The following MACF1 variants were observed in gnomAD, a reference collection of about 807,000 sequenced individuals.
MACF1 encodes microtubule-actin cross-linking factor 1.
In MACF1, 193 loss-of-function variants were observed where a neutral mutation model predicts 854.8. The ratio of observed to expected loss-of-function variants is 0.23; its 90% CI spans 0.20 to 0.25. The LOEUF (loss-of-function observed/expected upper bound fraction) is 0.25, where lower values mean the gene tolerates loss of function less well. MACF1 is among the 10% of genes least tolerant of loss of function. The pLI is 1.00. For missense variants in MACF1, 7,722 were observed against 8,929.1 expected, an observed-to-expected ratio of 0.86 and a Z score of 5.45; for synonymous variants, 3,185 against 3,226.7, an observed-to-expected ratio of 0.99 and a Z score of 0.44.
At chr1:39,300,395 A>G (rs759989711) in intron 22 of MACF1, 33 bp downstream of exon 22, 22 of 1,587,232 alleles carry the variant, frequency 1.4e-5, no homozygotes, top group East Asian at 2.3e-5. Context: ...TCTGGGCCAC[A>G]GGGGGAAGGA....
intron 41 of MACF1, among the ~76,000 whole-genome samples, chr1:39,348,047 A>G (rs182290681): frequency 6.9e-4 from 105 of 152,338 alleles, no homozygotes; most frequent in Admixed American, 6.7e-3. Context: ...TTATCACCAT[A>G]AAATTTGTCT....
chr1:39,343,543 G>A (rs1569594076), intron 40 of MACF1, among the ~76,000 whole-genome samples: 1 of 152,316 alleles, frequency 6.6e-6, no homozygotes, highest in East Asian at 1.9e-4. Flanking sequence ...AAAACATAGA[G>A]ACATAGAGCA....
At chr1:39,468,880 C>T in intron 96 of MACF1, 148 bp downstream of exon 96, 1 of 708,348 alleles carries the variant, frequency 1.4e-6, no homozygotes, top group Non-Finnish European at 2.4e-6. Context: ...CAGATTAGAA[C>T]TCAGGGGTGC....
At chr1:39,456,230 C>T (rs943614037) in intron 89 of MACF1, among the ~76,000 whole-genome samples, 4 of 151,930 alleles carry the variant, frequency 2.6e-5, no homozygotes, top group East Asian at 1.9e-4. Context: ...GCTACTCAGG[C>T]GGCTGAGGCA....
At position 39,337,209 on chromosome 1, in the gene MACF1, G is replaced by C; in HGVS notation, c.10093G>C (p.Glu3365Gln). 1 of 1,613,814 alleles carries C rather than the reference G, an allele frequency of 6.2e-7. No homozygotes were observed. Among genetic ancestry groups the C allele is most frequent in the African/African-American group, 1.3e-5 (1 of 75,036 alleles). ...TGTATTTACCCGGCAACTCTGTTTAGAACATGATGAAAAGCTAGTATCCTA... is the reference window on the plus strand; with the variant it reads ...TGTATTTACCCGGCAACTCTGTTTACAACATGATGAAAAGCTAGTATCCTA... ...QNVFTRQLCL[E>Q]HDEKLVSYLS... Residue 3365 changes from glutamate to glutamine, a missense_variant, in exon 38 of 101, where the codon GAA becomes CAA. This residue lies in a region of MACF1 where 854 missense variants were observed against 852.6 expected (regional missense o/e 1.00). Coordinates refer to ENST00000564288, the MANE Select transcript of MACF1 (RefSeq NM_001394062.1).
intron 49 of MACF1, among the ~76,000 whole-genome samples, chr1:39,364,066 G>T (rs1218102438): frequency 6.6e-6 from 1 of 152,134 alleles, no homozygotes; most frequent in African/African-American, 2.4e-5. Context: ...GTAAATACAT[G>T]TATAGTTTTG....
chr1:39,303,642 A>G (rs1457695494), intron 23 of MACF1, among the ~76,000 whole-genome samples: 2 of 151,078 alleles, frequency 1.3e-5, no homozygotes, highest in Non-Finnish European at 2.9e-5. Flanking sequence ...ACTTGAGGTC[A>G]GGAGGTCAAG....
chr1:39,273,752 G>C (rs1031194602), intron 6 of MACF1, among the ~76,000 whole-genome samples: 1 of 151,980 alleles, frequency 6.6e-6, no homozygotes, highest in South Asian at 2.1e-4. Context: ...CACCATGCCC[G>C]GCTAATTTTT....
At chr1:39,259,415 A>G (rs1645132229) in intron 6 of MACF1, among the ~76,000 whole-genome samples, 1 of 150,608 alleles carries the variant, frequency 6.6e-6, no homozygotes, top group South Asian at 2.1e-4. Context: ...GCACCTGCCA[A>G]CATGCCTGGC....
In MACF1 at chr1:39,438,806, G is replaced by A. The variant is rs115607010; in HGVS notation, c.18221-468G>A. ...AAAAAAAGAAATAAATAATAGGCCG[G>A]GTGTGGTGGCTCATGCTGATAATCC... On this transcript the variant is annotated intron_variant, in intron 71 of 100. Coordinates refer to ENST00000564288, the MANE Select transcript of MACF1 (RefSeq NM_001394062.1). Among the ~76,000 whole-genome samples, 994 of 149,682 alleles carry A rather than the reference G, an allele frequency of 6.6e-3. 9 individuals are homozygous for A. Among genetic ancestry groups the A allele is most frequent in the African/African-American group, 0.023 (917 of 40,594 alleles).
chr1:39,370,258 C>A, intron 51 of MACF1, 72 bp downstream of exon 51: 1 of 1,341,624 alleles, frequency 7.5e-7, no homozygotes, highest in Non-Finnish European at 1.0e-6. Flanking sequence ...TGGTCTCCAG[C>A]TGTGGTGGGG....
intron 35 of MACF1, among the ~76,000 whole-genome samples, chr1:39,325,255 A>G (rs1248052706): frequency 1.3e-5 from 2 of 152,238 alleles, no homozygotes; most frequent in Admixed American, 6.5e-5. Context: ...TATGAGTGAT[A>G]ACTCAGAACC....
At chr1:39,394,681 C>A (rs1642203476) in intron 58 of MACF1, among the ~76,000 whole-genome samples, 1 of 152,112 alleles carries the variant, frequency 6.6e-6, no homozygotes, top group South Asian at 2.1e-4. Context: ...TGAAAGACTG[C>A]CAGTTTACTC....
intron 58 of MACF1, among the ~76,000 whole-genome samples, chr1:39,416,895 A>G (rs1268808666): frequency 6.6e-6 from 1 of 152,244 alleles, no homozygotes; most frequent in African/African-American, 2.4e-5. Context: ...GAATGTAGAG[A>G]GGCCATTTTG....
chr1:39,248,929 C>T (rs1381737177), intron 2 of MACF1, among the ~76,000 whole-genome samples: 1 of 152,008 alleles, frequency 6.6e-6, no homozygotes, highest in African/African-American at 2.4e-5. Flanking sequence ...GGTCTCCCCA[C>T]ATTGCCCAGG....
At chr1:39,413,708 C>T in intron 58 of MACF1, 1 of 1,607,884 alleles carries the variant, frequency 6.2e-7, no homozygotes, top group Non-Finnish European at 8.5e-7. Context: ...TTCCCAGCTC[C>T]TGCAGTGCCC....
rs56202498 is a variant in MACF1, at chr1:39,355,460, C to CTTTTTTTT, written c.11425-1897_11425-1890dup. ...ATTCCAGCTTTCTTTTTTTCTTCTGCTTTTTTTTTTTTTTTTTTTTTTTTT... is the reference window on the plus strand; with the variant it reads ...ATTCCAGCTTTCTTTTTTTCTTCTGCTTTTTTTTTTTTTTTTTTTTTTTTTTTTTTTTT... On this transcript the variant is annotated intron_variant, in intron 44 of 100. Coordinates refer to ENST00000564288, the MANE Select transcript of MACF1 (RefSeq NM_001394062.1). Among the ~76,000 whole-genome samples, 40 of 81,050 alleles carry CTTTTTTTT rather than the reference C, an allele frequency of 4.9e-4. 1 individual carries two copies. Among genetic ancestry groups the CTTTTTTTT allele is most frequent in the Non-Finnish European group, 6.0e-4 (27 of 44,824 alleles). The allele number at this position is 81,050 out of a possible 152,430, so 53.2% of individuals were successfully genotyped here.
chr1:39,141,117 T>C lies in MACF1; in HGVS notation c.220+56679T>C, dbSNP rs752834939. On this transcript the variant is annotated intron_variant, in intron 2 of 93. Transcript: ENST00000361689. ...TTCACAATTTGCTCTAGAATTCTCA[T>C]GTACTCAAACATTATGCTATAATCA... is the stretch of plus-strand genomic sequence containing the variant. Among the ~76,000 whole-genome samples, 20 of 152,244 alleles carry C rather than the reference T, an allele frequency of 1.3e-4. 1 individual carries two copies. In the South Asian group the frequency reaches 2.7e-3, roughly 21 times the overall value.
intron 66 of MACF1, 92 bp from the exon 67 acceptor site, chr1:39,432,443 A>G: frequency 8.6e-7 from 1 of 1,167,326 alleles, no homozygotes; most frequent in Non-Finnish European, 1.2e-6. Context: ...TGTATTACTG[A>G]AAATCCAGGC....
Sources: allele counts gnomAD v4.1 joint callset (sites outside exome capture counted in the v4.1 genomes callset), GRCh38; gene constraint gnomAD v4.1.1; regional missense constraint gnomAD v4.1.1; transcripts MANE v1.5; gene names NCBI Gene and HGNC (gene_info 2026-07-23, HGNC 2026-07-21).